The following TPST1 variants were observed in gnomAD, a reference collection of about 807,000 sequenced individuals.
TPST1 encodes tyrosylprotein sulfotransferase 1.
A neutral mutation model predicts 34.8 loss-of-function variants in TPST1; 20 were observed. The ratio of observed to expected loss-of-function variants is 0.57; its 90% CI spans 0.40 to 0.84. The LOEUF is 0.84. Ranked by LOEUF, TPST1 falls within the 40% of genes least tolerant of loss-of-function variation. The pLI, the probability that TPST1 is intolerant of heterozygous loss-of-function variation, is 0.00. For missense variants in TPST1, 353 were observed against 455.5 expected (o/e 0.78, Z 2.05); for synonymous variants, 152 against 159.4 (o/e 0.95, Z 0.35).
intron 2 of TPST1, among the ~76,000 whole-genome samples, chr7:66,265,151 A>G (rs967109336): frequency 6.6e-6 from 1 of 152,270 alleles, no homozygotes; most frequent in Admixed American, 6.5e-5. Context: ...ATTAGGAAAT[A>G]TAAATAGAGC....
rs1358507644 is a variant in TPST1 at position 66,351,479 on chromosome 7, C to T, written c.1045-1026C>T. On this transcript the variant is annotated intron_variant, in intron 3 of 5. Transcript: ENST00000304842. ...CAAAACCCTACTGTCTTACTTATGG[C>T]TATATCATTAACTTAGCTAATGTTT... Among the ~76,000 whole-genome samples the T allele has an allele frequency of 9.9e-5, 15 of 152,160 alleles. No individual in the cohort carries two copies. In the East Asian group the frequency reaches 2.9e-3, roughly 29 times the overall value.
At chr7:66,220,127 A>G (rs1380849336) in intron 1 of TPST1, among the ~76,000 whole-genome samples, 1 of 152,218 alleles carries the variant, frequency 6.6e-6, no homozygotes, top group Non-Finnish European at 1.5e-5. Context: ...GAACCAGAAG[A>G]AAAAAGTAAT....
intron 5 of TPST1, among the ~76,000 whole-genome samples, chr7:66,358,871 G>A (rs778439637): frequency 6.6e-5 from 10 of 152,158 alleles, no homozygotes; most frequent in Admixed American, 2.0e-4. Context: ...AGGATGGACC[G>A]CATCAGCAGT....
upstream of TPST1, among the ~76,000 whole-genome samples, chr7:66,200,470 A>C (rs1189801057): frequency 8.0e-6 from 1 of 125,014 alleles, no homozygotes; most frequent in Non-Finnish European, 1.7e-5. Flanking sequence ...CCCAGGCTGG[A>C]GTGCAGTGGC....
intron 2 of TPST1, among the ~76,000 whole-genome samples, chr7:66,247,814 T>C (rs752321914): frequency 3.3e-5 from 5 of 152,120 alleles, no homozygotes; most frequent in Non-Finnish European, 5.9e-5. Flanking sequence ...AGAGGTAGTA[T>C]GGAGGACTCC....
intron 1 of TPST1, among the ~76,000 whole-genome samples, chr7:66,214,787 AGT>A (rs1318868641): frequency 6.6e-6 from 1 of 150,824 alleles, no homozygotes; most frequent in Non-Finnish European, 1.5e-5. Context: ...CCTGGGCGAC[AGT>A]GTGAGACCCT....
At chr7:66,244,926 T>G (rs144335851) in intron 2 of TPST1, among the ~76,000 whole-genome samples, 2 of 152,250 alleles carry the variant, frequency 1.3e-5, no homozygotes, top group African/African-American at 4.8e-5. Flanking sequence ...ATAGTAGTGA[T>G]AAGTACAAGA....
chr7:66,307,507 G>C (rs976454617), intron 3 of TPST1, among the ~76,000 whole-genome samples: 1 of 152,204 alleles, frequency 6.6e-6, no homozygotes, highest in African/African-American at 2.4e-5. Flanking sequence ...GTAAGGGAAA[G>C]GATGCTGGTT....
intron 2 of TPST1, among the ~76,000 whole-genome samples, chr7:66,248,503 GTTT>G (rs373801835): frequency 1.6e-5 from 2 of 124,256 alleles, no homozygotes; most frequent in African/African-American, 3.0e-5. Flanking sequence ...AACATTTAGT[GTTT>G]TTTTTTTTTT....
chr7:66,228,339 T>G (rs1789707015), intron 1 of TPST1, among the ~76,000 whole-genome samples: 1 of 152,226 alleles, frequency 6.6e-6, no homozygotes, highest in Non-Finnish European at 1.5e-5. Flanking sequence ...TTTCAGCAAA[T>G]CAACTAAGGT....
At chr7:66,227,238 G>C (rs1789678296) in intron 1 of TPST1, among the ~76,000 whole-genome samples, 1 of 151,470 alleles carries the variant, frequency 6.6e-6, no homozygotes, top group African/African-American at 2.4e-5. Context: ...TCACCATCTT[G>C]GTCAGGCTGG....
chr7:66,328,905 TA>T (rs1333317734), intron 3 of TPST1, among the ~76,000 whole-genome samples: 33 of 53,558 alleles, frequency 6.2e-4, no homozygotes, highest in South Asian at 2.6e-3. Flanking sequence ...TATATATATA[TA>T]TTTTTTTTTT....
chr7:66,344,802 C>G (rs1562853953), intron 3 of TPST1, among the ~76,000 whole-genome samples: 1 of 150,478 alleles, frequency 6.6e-6, no homozygotes. Context: ...CGGCTCACTG[C>G]AAGCTCCGCC....
chr7:66,282,529 G>A (rs1790952344), intron 2 of TPST1, among the ~76,000 whole-genome samples: 1 of 152,164 alleles, frequency 6.6e-6, no homozygotes, highest in Admixed American at 6.5e-5. Flanking sequence ...TCTGTTAGTG[G>A]TCATTATCCT....
chr7:66,211,223 C>T (rs965359143), intron 1 of TPST1, among the ~76,000 whole-genome samples: 2 of 152,208 alleles, frequency 1.3e-5, no homozygotes, highest in African/African-American at 2.4e-5. Context: ...CAACCTCCGC[C>T]TCCCAGGTTG....
At chr7:66,207,116 C>T (rs998565154) in intron 1 of TPST1, among the ~76,000 whole-genome samples, 1 of 152,186 alleles carries the variant, frequency 6.6e-6, no homozygotes, top group South Asian at 2.1e-4. Flanking sequence ...CTCCTGGGCT[C>T]CCAAGGCAGA....
At position 66,307,637 on chromosome 7, in the gene TPST1, G is replaced by A. The variant is rs373148171; in HGVS notation, c.1044+20928G>A. Among the ~76,000 whole-genome samples the A allele has an allele frequency of 7.2e-5, 11 of 152,328 alleles. No homozygotes were observed. The East Asian group carries it at 2.1e-3, about 29-fold the overall frequency. ...ACAGATGGCTGCCCAGACCCCCTGG[G>A]AGCAGCGCTTTATTGGGGCACCATT... On this transcript the variant is annotated intron_variant, in intron 3 of 5. Coordinates refer to ENST00000304842, the MANE Select transcript of TPST1 (RefSeq NM_003596.4).
intron 2 of TPST1, among the ~76,000 whole-genome samples, chr7:66,249,884 C>T (rs971581537): frequency 6.6e-6 from 1 of 152,276 alleles, no homozygotes; most frequent in East Asian, 1.9e-4. Context: ...TTCAGGTTTC[C>T]TTTCCCTAAG....
At chr7:66,299,387 G>A (rs896976899) in intron 3 of TPST1, among the ~76,000 whole-genome samples, 5 of 149,278 alleles carry the variant, frequency 3.3e-5, no homozygotes, top group Admixed American at 6.7e-5. Flanking sequence ...TAGGCTATTG[G>A]TCGTTTTGTA....
Sources: allele counts gnomAD v4.1 joint callset (sites outside exome capture counted in the v4.1 genomes callset), GRCh38; gene constraint gnomAD v4.1.1; transcripts MANE v1.5; gene names NCBI Gene and HGNC (gene_info 2026-07-23, HGNC 2026-07-21).